The following CSMD3 variants were observed in gnomAD, a reference collection of about 807,000 sequenced individuals.
CSMD3 encodes CUB and sushi domain-containing protein 3.
In CSMD3, 177 loss-of-function variants were observed where a neutral mutation model predicts 435.2. The observed-to-expected ratio is 0.41, with a 90% CI of 0.36 to 0.46. The LOEUF is 0.46. Ranked by LOEUF, CSMD3 falls within the 20% of genes least tolerant of loss-of-function variation. The pLI is 0.34. For missense variants in CSMD3, 4,265 were observed against 4,504.6 expected (o/e 0.95, Z 1.52); for synonymous variants, 1,656 against 1,520.5 (o/e 1.09, Z -2.07).
At chr8:112,690,783 C>T (rs2076118310) in intron 13 of CSMD3, among the ~76,000 whole-genome samples, 1 of 151,990 alleles carries the variant, frequency 6.6e-6, no homozygotes, top group African/African-American at 2.4e-5. Context: ...CACTGTTTAA[C>T]TATGAATGTT....
chr8:113,159,640 G>A (rs911579278), intron 4 of CSMD3, among the ~76,000 whole-genome samples: 1 of 151,816 alleles, frequency 6.6e-6, no homozygotes, highest in African/African-American at 2.4e-5. Flanking sequence ...GATATTCAAG[G>A]TTTCTTCATA....
chr8:112,243,235 T>TA (rs5894078), intron 65 of CSMD3, among the ~76,000 whole-genome samples: 61,043 of 148,794 alleles, frequency 0.41, 13,269 homozygotes, highest in Middle Eastern at 0.53. Context: ...ATTTCAATCA[T>TA]AAAAAAAAAA....
At chr8:113,219,105 T>A (rs1448001160) in intron 3 of CSMD3, among the ~76,000 whole-genome samples, 1 of 151,406 alleles carries the variant, frequency 6.6e-6, no homozygotes, top group African/African-American at 2.4e-5. Flanking sequence ...TACATCAATC[T>A]AAAATCAATA....
At chr8:112,742,683 G>A (rs1019011812) in intron 13 of CSMD3, among the ~76,000 whole-genome samples, 2 of 151,704 alleles carry the variant, frequency 1.3e-5, no homozygotes, top group Admixed American at 6.6e-5. Flanking sequence ...CCATCTGCCT[G>A]TCTCGATGAT....
chr8:112,409,176 G>A, intron 32 of CSMD3, 144 bp from the exon 33 acceptor site: 1 of 1,430,732 alleles, frequency 7.0e-7, no homozygotes, highest in Non-Finnish European at 9.4e-7. Flanking sequence ...AAAGAGGATA[G>A]GTGCCAATTG....
chr8:112,231,725 A>G, intron 68 of CSMD3, 93 bp from the exon 69 acceptor site: 1 of 837,354 alleles, frequency 1.2e-6, no homozygotes, highest in Admixed American at 1.8e-5. Context: ...TCTGAAAGAA[A>G]TATTATCACA....
chr8:112,261,898 T>A (rs953536870), intron 61 of CSMD3, among the ~76,000 whole-genome samples: 3 of 152,010 alleles, frequency 2.0e-5, no homozygotes. Context: ...TGTATTGCCT[T>A]TTTTATTTTA....
intron 7 of CSMD3, among the ~76,000 whole-genome samples, chr8:112,967,348 C>A (rs1179938086): frequency 6.6e-6 from 1 of 151,854 alleles, no homozygotes; most frequent in Non-Finnish European, 1.5e-5. Context: ...AAATAAAGCT[C>A]ATTTTTGAGG....
intron 1 of CSMD3, among the ~76,000 whole-genome samples, chr8:113,419,120 GGTTT>G (rs1035428964): frequency 4.9e-5 from 7 of 143,514 alleles, no homozygotes; most frequent in Non-Finnish European, 7.5e-5. Flanking sequence ...TGTTTTTTTT[GGTTT>G]GTTTTTTTTT....
At chr8:113,138,774 T>C (rs1389746293) in intron 4 of CSMD3, among the ~76,000 whole-genome samples, 2 of 150,662 alleles carry the variant, frequency 1.3e-5, no homozygotes, top group Non-Finnish European at 3.0e-5. Flanking sequence ...TGAATTTCAA[T>C]TCCCTGTTAA....
intron 1 of CSMD3, chr8:113,376,577 T>TA (rs201863166): frequency 0.031 from 21,987 of 709,812 alleles, 462 homozygotes; most frequent in Middle Eastern, 0.039. Context: ...AACTAATATA[T>TA]AAAAAAATTG....
chr8:112,779,002 C>T (rs1160723322), intron 13 of CSMD3, among the ~76,000 whole-genome samples: 1 of 151,678 alleles, frequency 6.6e-6, no homozygotes, highest in Non-Finnish European at 1.5e-5. Flanking sequence ...ATATAATTTG[C>T]CCATTTTTTT....
At chr8:112,563,397 A>G (rs1389043667) in intron 24 of CSMD3, among the ~76,000 whole-genome samples, 2 of 151,722 alleles carry the variant, frequency 1.3e-5, no homozygotes, top group African/African-American at 4.8e-5. Context: ...GAGTTAAGAT[A>G]AAAGGATCTT....
intron 23 of CSMD3, among the ~76,000 whole-genome samples, chr8:112,574,560 T>C (rs2853249): frequency 0.076 from 11,548 of 151,892 alleles, 513 homozygotes; most frequent in East Asian, 0.15. Context: ...TCCTAAAAAG[T>C]GTGTAGTAAT....
chr8:112,364,358 T>C (rs59994716), intron 38 of CSMD3, among the ~76,000 whole-genome samples: 1 of 151,898 alleles, frequency 6.6e-6, no homozygotes, highest in Admixed American at 6.6e-5. Flanking sequence ...TATGGTAACA[T>C]GTACCTTTGC....
intron 3 of CSMD3, among the ~76,000 whole-genome samples, chr8:113,241,994 A>G (rs1228750967): frequency 2.6e-5 from 4 of 151,184 alleles, no homozygotes; most frequent in Non-Finnish European, 5.9e-5. Context: ...TTATATCTAT[A>G]TACATATATA....
At chr8:112,355,335 C>T (rs1476830873) in intron 38 of CSMD3, among the ~76,000 whole-genome samples, 1 of 152,056 alleles carries the variant, frequency 6.6e-6, no homozygotes, top group African/African-American at 2.4e-5. Context: ...GCAACAAAAA[C>T]AAAAATTGAC....
At chr8:112,680,447 G>A (rs2075863908) in intron 16 of CSMD3, among the ~76,000 whole-genome samples, 1 of 152,140 alleles carries the variant, frequency 6.6e-6, no homozygotes, top group South Asian at 2.1e-4. Flanking sequence ...TATGTTAAAA[G>A]AATGAATGGG....
intron 5 of CSMD3, among the ~76,000 whole-genome samples, chr8:113,055,997 C>T: frequency 6.6e-6 from 1 of 152,134 alleles, no homozygotes; most frequent in East Asian, 1.9e-4. Context: ...ACAGAAAGGA[C>T]CCATGAGATT....
Sources: allele counts gnomAD v4.1 joint callset (sites outside exome capture counted in the v4.1 genomes callset), GRCh38; gene constraint gnomAD v4.1.1; transcripts MANE v1.5; gene names NCBI Gene and HGNC (gene_info 2026-07-23, HGNC 2026-07-21).